PELI2: variants seen among roughly 807,000 people sequenced by gnomAD.
PELI2 encodes the protein pellino E3 ubiquitin protein ligase family member 2, also known as E3 ubiquitin-protein ligase pellino homolog 2.
A neutral mutation model predicts 42.3 loss-of-function variants in PELI2; 23 were observed. That is an observed-to-expected ratio of 0.54 (90% CI 0.39 to 0.77). The LOEUF (loss-of-function observed/expected upper bound fraction) is 0.77. Ranked by LOEUF, PELI2 falls within the 30% of genes least tolerant of loss-of-function variation. The probability of loss-of-function intolerance (pLI) is 0.00; values close to 1 mark genes in which losing one functional copy is unlikely to be tolerated. For missense variants in PELI2, 463 were observed against 553.2 expected (o/e 0.84, Z 1.64); for synonymous variants, 245 against 212.2 (o/e 1.15, Z -1.34).
intron 2 of PELI2, among the ~76,000 whole-genome samples, chr14:56,236,860 C>G (rs549107370): frequency 6.6e-6 from 1 of 152,150 alleles, no homozygotes; most frequent in Non-Finnish European, 1.5e-5. Context: ...ATGGATCTCT[C>G]CCTGTTCTAT....
At position 56,195,306 on chromosome 14, in the gene PELI2, T is replaced by G. The variant is rs372171078; in HGVS notation, c.207+16842T>G. On this transcript the variant is annotated intron_variant, in intron 2 of 5. Transcript: ENST00000267460. ...ACTTGTCATATTGTGTCTTTATGTC[T>G]GCTTCTCACCATTTTGCCATTCTCA... Among the ~76,000 whole-genome samples, 21 of 152,344 alleles carry G rather than the reference T, an allele frequency of 1.4e-4. 1 individual carries two copies. The highest frequency in any genetic ancestry group is 8.5e-4 in the Admixed American group (13 of 15,308).
chr14:56,133,713 C>A (rs768642587), intron 1 of PELI2, among the ~76,000 whole-genome samples: 2 of 152,192 alleles, frequency 1.3e-5, no homozygotes, highest in African/African-American at 2.4e-5. Flanking sequence ...TCACTTCCAG[C>A]GTGATGCCCT....
In PELI2 at chr14:56,273,420, G is replaced by C. The variant is rs1393321541; in HGVS notation, c.208-6256G>C. ...GCAAGCTACTGAAGCCAGCCCAGAT[G>C]CCAGATGATACATGATGATTGCACA... On this transcript the variant is annotated intron_variant, in intron 2 of 5. Transcript: ENST00000267460. This position sits in a 1 kb window ranked among gnomAD's most constrained non-coding sequence, Gnocchi z 4.3. 6.6e-6 allele frequency among the ~76,000 whole-genome samples: 1 copy of C among 152,190 alleles called. No individual in the cohort carries two copies. The highest frequency in any genetic ancestry group is 1.5e-5 in the Non-Finnish European group (1 of 68,044).
At chr14:56,274,918 A>G (rs1404096634) in intron 2 of PELI2, among the ~76,000 whole-genome samples, 1 of 152,216 alleles carries the variant, frequency 6.6e-6, no homozygotes, top group Admixed American at 6.5e-5. Context: ...TAACATTTAT[A>G]CTGTAATAAA....
At position 56,118,478 on chromosome 14, in the gene PELI2, A is replaced by C. The variant is rs559074650; in HGVS notation, c.-183A>C. The stretch of plus-strand genomic sequence containing the variant: ...GGAGCTCCGGGGAGTCAGGCGGAGC[A>C]GCCGCGCAGCCACGACGGAGCAGCA... On this transcript the variant is annotated 5_prime_UTR_variant, in exon 1 of 6. Transcript: ENST00000267460. The C allele has an allele frequency of 3.0e-6, 1 of 334,266 alleles. No homozygotes were observed. Among genetic ancestry groups the C allele is most frequent in the African/African-American group, 2.2e-5 (1 of 45,736 alleles). The allele number at this position is 334,266 out of a possible 1,614,324, so 20.7% of individuals were successfully genotyped here.
At chr14:56,218,704 T>C (rs1305562070) in intron 2 of PELI2, among the ~76,000 whole-genome samples, 2 of 57,952 alleles carry the variant, frequency 3.5e-5, no homozygotes, top group Non-Finnish European at 9.4e-5. Context: ...CATGTGTGCG[T>C]GTGTGTGTGT....
intron 1 of PELI2, among the ~76,000 whole-genome samples, chr14:56,161,228 CT>C (rs1341869901): frequency 6.6e-6 from 1 of 151,792 alleles, no homozygotes; most frequent in Non-Finnish European, 1.5e-5. Context: ...TCATTTATTT[CT>C]TTTTTTCCTG....
chr14:56,141,662 G>A (rs1243221762), intron 1 of PELI2, among the ~76,000 whole-genome samples: 3 of 152,142 alleles, frequency 2.0e-5, no homozygotes, highest in Admixed American at 2.0e-4. Context: ...GAGAGAGTGA[G>A]GCAAGCAGGG....
intron 2 of PELI2, among the ~76,000 whole-genome samples, chr14:56,199,947 C>T (rs781557912): frequency 2.5e-4 from 38 of 152,152 alleles, no homozygotes; most frequent in Non-Finnish European, 3.7e-4. Context: ...AATTACCTTA[C>T]ATGGATGGCA....
chr14:56,128,847 G>T (rs1883377625), intron 1 of PELI2, among the ~76,000 whole-genome samples: 1 of 151,944 alleles, frequency 6.6e-6, no homozygotes, highest in Non-Finnish European at 1.5e-5. Flanking sequence ...CCAAGGAGAA[G>T]TACAGGGTTT....
chr14:56,190,553 A>G (rs1885919812), intron 2 of PELI2, among the ~76,000 whole-genome samples: 1 of 152,192 alleles, frequency 6.6e-6, no homozygotes, highest in East Asian at 1.9e-4. Context: ...AAGCAGTAAC[A>G]GATAACCCCC....
In PELI2 at chr14:56,284,500, C is replaced by T. The variant is rs144300818; in HGVS notation, c.310-3937C>T. On this transcript the variant is annotated intron_variant, in intron 3 of 5. Coordinates refer to ENST00000267460, the MANE Select transcript of PELI2 (RefSeq NM_021255.3). The stretch of plus-strand genomic sequence containing the variant: ...ATTTCACAGTTTCACAGGCTTCGAA[C>T]GCGGTGCTACAAGGCCTAACAGTTT... Among the ~76,000 whole-genome samples, 918 of 152,226 alleles carry T rather than the reference C, an allele frequency of 6.0e-3. 10 individuals are homozygous for T. The highest frequency in any genetic ancestry group is 0.019 in the African/African-American group (798 of 41,540).
At chr14:56,199,101 CT>C (rs1239086065) in intron 2 of PELI2, among the ~76,000 whole-genome samples, 7 of 152,112 alleles carry the variant, frequency 4.6e-5, no homozygotes, top group Non-Finnish European at 1.0e-4. Flanking sequence ...TACCTTGTAT[CT>C]TTCCCCCTTC....
At chr14:56,253,940 A>C (rs1433359100) in intron 2 of PELI2, among the ~76,000 whole-genome samples, 1 of 152,244 alleles carries the variant, frequency 6.6e-6, no homozygotes, top group African/African-American at 2.4e-5. Context: ...CCTGACTTCA[A>C]ACTATACTAC....
At chr14:56,241,086 C>T (rs1341252833) in intron 2 of PELI2, among the ~76,000 whole-genome samples, 1 of 138,936 alleles carries the variant, frequency 7.2e-6, no homozygotes, top group Non-Finnish European at 1.6e-5. Flanking sequence ...CCAGTATCAT[C>T]CCCAGGAGGT....
intron 2 of PELI2, among the ~76,000 whole-genome samples, chr14:56,211,413 A>G (rs1488925655): frequency 6.6e-6 from 1 of 151,368 alleles, no homozygotes; most frequent in South Asian, 2.1e-4. Flanking sequence ...CTCTACTCCC[A>G]CTCCCCTCCC....
intron 3 of PELI2, among the ~76,000 whole-genome samples, chr14:56,285,934 T>TA (rs1889630750): frequency 6.6e-6 from 1 of 152,166 alleles, no homozygotes; most frequent in Non-Finnish European, 1.5e-5. Flanking sequence ...AAATGTTTGT[T>TA]AAAATACAGA....
At chr14:56,127,624 A>G (rs1175080895) in intron 1 of PELI2, among the ~76,000 whole-genome samples, 1 of 152,254 alleles carries the variant, frequency 6.6e-6, no homozygotes, top group Non-Finnish European at 1.5e-5. Flanking sequence ...CACTGCTGCC[A>G]GCCACCTGCA....
At chr14:56,136,907 A>G (rs1883706329) in intron 1 of PELI2, among the ~76,000 whole-genome samples, 2 of 152,194 alleles carry the variant, frequency 1.3e-5, no homozygotes, top group South Asian at 4.1e-4. Flanking sequence ...ATGTGGAGAA[A>G]AACCCACCAA....
Sources: gnomAD v4.1 joint callset for allele counts (sites outside exome capture counted in the v4.1 genomes callset) on GRCh38, gnomAD v4.1.1 for gene constraint, Gnocchi (gnomAD v3.1) non-coding constraint, MANE v1.5 for transcripts, NCBI Gene and HGNC (gene_info 2026-07-23, HGNC 2026-07-21) for gene names.